IQCM: variants seen among roughly 807,000 people sequenced by gnomAD.
IQCM encodes IQ motif containing M.
Under a neutral mutation model 57.6 loss-of-function variants are expected in IQCM, and 45 were observed. The ratio of observed to expected loss-of-function variants is 0.78; its 90% confidence interval spans 0.62 to 1.00. The LOEUF is 1.00. IQCM is among the 50% of genes least tolerant of loss of function. The probability of loss-of-function intolerance (pLI) is 0.00; values close to 1 mark genes in which losing one functional copy is unlikely to be tolerated. For missense variants in IQCM, 468 were observed against 511.6 expected, an observed-to-expected ratio of 0.91 and a Z score of 0.82; for synonymous variants, 148 against 158.9, an observed-to-expected ratio of 0.93 and a Z score of 0.51.
chr4:149,638,259 G>A (rs2150109453), intron 7 of IQCM, among the ~76,000 whole-genome samples: 1 of 152,242 alleles, frequency 6.6e-6, no homozygotes, highest in East Asian at 1.9e-4. Flanking sequence ...ATTAAAATGA[G>A]ATTGACAACA....
chr4:149,476,265 T>C (rs1027426283), intron 12 of IQCM, among the ~76,000 whole-genome samples: 23 of 152,160 alleles, frequency 1.5e-4, no homozygotes, highest in African/African-American at 4.3e-4. Context: ...ATAGTTTTTG[T>C]ATGGGAAGAT....
At chr4:149,588,652 G>C (rs1752860778) in intron 8 of IQCM, among the ~76,000 whole-genome samples, 1 of 151,736 alleles carries the variant, frequency 6.6e-6, no homozygotes, top group Admixed American at 6.6e-5. Flanking sequence ...GCCACGTGAG[G>C]ACACAATAAG....
chr4:149,631,769 T>G (rs1386444842), intron 7 of IQCM, among the ~76,000 whole-genome samples: 2 of 152,194 alleles, frequency 1.3e-5, no homozygotes, highest in Admixed American at 1.3e-4. Flanking sequence ...TGCCACCTCT[T>G]AAGGAATGTT....
intron 7 of IQCM, among the ~76,000 whole-genome samples, chr4:149,657,081 T>C (rs987604008): frequency 5.3e-5 from 8 of 152,166 alleles, no homozygotes; most frequent in African/African-American, 1.9e-4. Flanking sequence ...ATCATCACCC[T>C]ACTGTGCAAC....
At chr4:149,580,329 T>TA (rs1752061606) in intron 9 of IQCM, among the ~76,000 whole-genome samples, 1 of 151,664 alleles carries the variant, frequency 6.6e-6, no homozygotes, top group Admixed American at 6.6e-5. Flanking sequence ...AAGAAAAGAA[T>TA]AAAAAATTGT....
intron 12 of IQCM, among the ~76,000 whole-genome samples, chr4:149,487,096 G>T (rs1741602265): frequency 6.6e-6 from 1 of 152,056 alleles, no homozygotes; most frequent in Admixed American, 6.6e-5. Flanking sequence ...TGTACTCCCT[G>T]GTATCACTGC....
intron 7 of IQCM, among the ~76,000 whole-genome samples, chr4:149,622,845 A>G (rs184033648): frequency 2.7e-4 from 41 of 152,306 alleles, no homozygotes; most frequent in Non-Finnish European, 5.9e-5. Flanking sequence ...ATGCACCATT[A>G]CGTACAATAA....
chr4:149,514,551 T>C (rs1288456448), intron 12 of IQCM: 1 of 152,248 alleles, frequency 6.6e-6, no homozygotes, highest in South Asian at 2.1e-4. Context: ...ATATCAATGA[T>C]AAACATTTAG....
At chr4:149,364,002 G>A (rs559842189) in intron 13 of IQCM, among the ~76,000 whole-genome samples, 1 of 152,202 alleles carries the variant, frequency 6.6e-6, no homozygotes, top group South Asian at 2.1e-4. Flanking sequence ...CAAAATATCA[G>A]ACAGAACCTA....
At chr4:149,481,198 C>T (rs989225052) in intron 12 of IQCM, among the ~76,000 whole-genome samples, 2 of 152,068 alleles carry the variant, frequency 1.3e-5, no homozygotes, top group African/African-American at 4.8e-5. Flanking sequence ...TTCTCCCATT[C>T]TGTGGGTTGT....
chr4:149,489,142 A>T (rs1406245245), intron 12 of IQCM, among the ~76,000 whole-genome samples: 1 of 152,124 alleles, frequency 6.6e-6, no homozygotes, highest in Non-Finnish European at 1.5e-5. Context: ...ATAGTAACAT[A>T]ATTCAACAAG....
chr4:149,694,218 CTTTTTTTTTTT>C (rs70965195), intron 5 of IQCM, among the ~76,000 whole-genome samples: 1 of 94,810 alleles, frequency 1.1e-5, no homozygotes, highest in Non-Finnish European at 2.0e-5. Flanking sequence ...GGATTAATTT[CTTTTTTTTTTT>C]TTTTTTTTTT....
intron 2 of IQCM, among the ~76,000 whole-genome samples, chr4:149,811,272 A>T (rs569054564): frequency 2.0e-5 from 3 of 152,248 alleles, no homozygotes; most frequent in Admixed American, 2.0e-4. Context: ...CCATCAACAG[A>T]GTTTCCAAAT....
chr4:149,608,988 C>A (rs761556079), intron 8 of IQCM, among the ~76,000 whole-genome samples: 2 of 151,138 alleles, frequency 1.3e-5, no homozygotes, highest in African/African-American at 2.4e-5. Flanking sequence ...ACAAAATGAA[C>A]AAAAGTTGAG....
chr4:149,405,005 G>A (rs1394489839), intron 13 of IQCM, among the ~76,000 whole-genome samples: 4 of 151,976 alleles, frequency 2.6e-5, no homozygotes, highest in Non-Finnish European at 2.9e-5. Context: ...AACAATTCAG[G>A]AAATGTATAA....
intron 13 of IQCM, among the ~76,000 whole-genome samples, chr4:149,354,198 A>G (rs1199360256): frequency 6.7e-6 from 1 of 149,528 alleles, no homozygotes; most frequent in Non-Finnish European, 1.5e-5. Flanking sequence ...CCCCGTCTCT[A>G]CTAAAAATAC....
rs1561204117 is a variant in IQCM at position 149,726,144 on chromosome 4, G to GAAAGA, written c.385+7095_385+7099dup. On this transcript the variant is annotated intron_variant, in intron 5 of 13. Coordinates refer to ENST00000636793, the MANE Select transcript of IQCM (RefSeq NM_001363507.2). ...GAAAGAAAGAAAGAAAGAAAGAAAA[G>GAAAGA]AAAGAAAGAAAGAATTTCATTTTTT... Among the ~76,000 whole-genome samples, 786 of 127,342 alleles carry GAAAGA rather than the reference G, an allele frequency of 6.2e-3. 12 individuals are homozygous for GAAAGA. Among genetic ancestry groups the GAAAGA allele is most frequent in the African/African-American group, 0.019 (572 of 30,336 alleles). The allele number at this position is 127,342 out of a possible 152,430, so 83.5% of individuals were successfully genotyped here.
At chr4:149,485,390 A>T (rs1741365126) in intron 12 of IQCM, among the ~76,000 whole-genome samples, 1 of 151,374 alleles carries the variant, frequency 6.6e-6, no homozygotes, top group South Asian at 2.1e-4. Flanking sequence ...GGTATGCTTT[A>T]TTGTTTTTTA....
intron 8 of IQCM, among the ~76,000 whole-genome samples, chr4:149,590,247 C>CTTTTTTTTTTTTTTT (rs71596214): frequency 2.3e-4 from 17 of 73,634 alleles, no homozygotes; most frequent in Non-Finnish European, 2.6e-4. Flanking sequence ...TTTTTCTTTC[C>CTTTTTTTTTTTTTTT]TTTTTTTTTT....
Sources: allele counts gnomAD v4.1 joint callset (sites outside exome capture counted in the v4.1 genomes callset), GRCh38; gene constraint gnomAD v4.1.1; transcripts MANE v1.5; gene names NCBI Gene and HGNC (gene_info 2026-07-23, HGNC 2026-07-21).